NEO1: variants seen among roughly 807,000 people sequenced by gnomAD.
NEO1 encodes neogenin.
A neutral mutation model predicts 159.7 loss-of-function variants in NEO1; 63 were observed. The observed-to-expected ratio is 0.39, with a 90% CI of 0.32 to 0.49. The LOEUF (loss-of-function observed/expected upper bound fraction) is 0.49, where lower values mean the gene tolerates loss of function less well. Ranked by LOEUF, NEO1 falls within the 20% of genes least tolerant of loss-of-function variation. NEO1 has a pLI of 0.85. For synonymous variants in NEO1, 633 were observed against 662.0 expected, an observed-to-expected ratio of 0.96 and a Z score of 0.67; for missense variants, 1,615 against 1,831.0, an observed-to-expected ratio of 0.88 and a Z score of 2.15.
At chr15:73,234,214 T>G (rs372177902) in intron 7 of NEO1, among the ~76,000 whole-genome samples, 13 of 152,314 alleles carry the variant, frequency 8.5e-5, no homozygotes, top group African/African-American at 2.6e-4. Context: ...CATTTCCCAA[T>G]AAGGGTTTTT....
At chr15:73,163,091 T>C (rs1039730635) in intron 5 of NEO1, among the ~76,000 whole-genome samples, 11 of 152,256 alleles carry the variant, frequency 7.2e-5, no homozygotes, top group African/African-American at 1.9e-4. Flanking sequence ...TTTTATACTT[T>C]ACTTGTTAGG....
rs2030234359 is a variant in NEO1, at chr15:73,126,327, C to G, written c.725-90C>G. The G allele has an allele frequency of 3.2e-6, 4 of 1,258,228 alleles. No homozygotes were observed. In the Admixed American group the frequency reaches 9.3e-5, roughly 29 times the overall value. 77.9% of individuals were successfully genotyped at this position (1,258,228 alleles called of 1,614,324 possible). A position where few individuals can be genotyped will look rare whatever the true frequency, so the allele number is the denominator to read the frequency against. On this transcript the variant is annotated intron_variant, in intron 3 of 28. Transcript: ENST00000261908. ...TCAAGCAGTCCTCCCTCCTCGGCCT[C>G]CCAAAGTATCGGGATTATGGGTGTG...
chr15:73,251,388 C>A (rs1257588822), intron 11 of NEO1, among the ~76,000 whole-genome samples: 1 of 151,818 alleles, frequency 6.6e-6, no homozygotes, highest in Non-Finnish European at 1.5e-5. Context: ...GTGGCACACA[C>A]CTTTAATCCT....
intron 5 of NEO1, among the ~76,000 whole-genome samples, chr15:73,159,478 T>C (rs2034015552): frequency 6.6e-6 from 1 of 152,126 alleles, no homozygotes; most frequent in Admixed American, 6.5e-5. Flanking sequence ...CTGGAAGTCT[T>C]CCTATACTGA....
intron 28 of NEO1, among the ~76,000 whole-genome samples, chr15:73,301,840 T>G (rs979673381): frequency 5.3e-5 from 8 of 152,138 alleles, no homozygotes; most frequent in Admixed American, 5.2e-4. Flanking sequence ...GCTATTGTTT[T>G]GTATTTTTAA....
At chr15:73,279,419 G>A (rs2041588097) in intron 22 of NEO1, among the ~76,000 whole-genome samples, 2 of 143,246 alleles carry the variant, frequency 1.4e-5, no homozygotes, top group Non-Finnish European at 3.0e-5. Flanking sequence ...CATGATCTCA[G>A]TTCACTGCAG....
At chr15:73,133,652 C>T (rs1417273593) in intron 4 of NEO1, among the ~76,000 whole-genome samples, 2 of 152,172 alleles carry the variant, frequency 1.3e-5, no homozygotes, top group Admixed American at 6.5e-5. Context: ...ATACCTTATG[C>T]CCAGCAATAC....
intron 7 of NEO1, among the ~76,000 whole-genome samples, chr15:73,198,940 C>T (rs1347543854): frequency 6.6e-6 from 1 of 151,192 alleles, no homozygotes; most frequent in Admixed American, 6.6e-5. Context: ...ATAAATTTGT[C>T]ACAAATAACC....
intron 7 of NEO1, among the ~76,000 whole-genome samples, chr15:73,189,144 T>C (rs2036099383): frequency 6.6e-6 from 1 of 152,156 alleles, no homozygotes; most frequent in Non-Finnish European, 1.5e-5. Flanking sequence ...AATGACATCT[T>C]ACCCATTGAA....
Position 73,298,344 on chromosome 15 carries a change from G to A in NEO1, c.3902-4G>A, listed in dbSNP as rs1158433680. The A allele has an allele frequency of 9.9e-6, 16 of 1,613,608 alleles. No homozygotes were observed. Among genetic ancestry groups the A allele is most frequent in the Non-Finnish European group, 1.2e-5 (14 of 1,179,652 alleles). On this transcript the variant is annotated splice_region_variant and splice_polypyrimidine_tract_variant and intron_variant, in intron 26 of 28. Transcript: ENST00000261908. ...ATGCTAACATTTAGACTTTCCTGCT[G>A]TAGAATCCGTTCGAAATACCCCCAG...
intron 2 of NEO1, among the ~76,000 whole-genome samples, chr15:73,121,790 A>G (rs62016811): frequency 0.3 from 45,913 of 151,866 alleles, 8,460 homozygotes; most frequent in Admixed American, 0.44. Context: ...ATTATCCCAG[A>G]TTTAATCAGA....
At chr15:73,141,048 T>C (rs2032337758) in intron 5 of NEO1, among the ~76,000 whole-genome samples, 1 of 152,210 alleles carries the variant, frequency 6.6e-6, no homozygotes, top group Non-Finnish European at 1.5e-5. Flanking sequence ...ATTCAAGCTG[T>C]ATTGTTCATG....
intron 7 of NEO1, among the ~76,000 whole-genome samples, chr15:73,209,413 C>T (rs923189787): frequency 2.6e-5 from 4 of 151,924 alleles, no homozygotes; most frequent in Admixed American, 2.0e-4. Context: ...TTGTTGTTTC[C>T]CCATTGAGTG....
chr15:73,090,457 A>C (rs552758118), intron 1 of NEO1, among the ~76,000 whole-genome samples: 4 of 152,326 alleles, frequency 2.6e-5, no homozygotes, highest in Non-Finnish European at 5.9e-5. Context: ...GATTCATACT[A>C]ATTTGTTAAT....
intron 27 of NEO1, among the ~76,000 whole-genome samples, chr15:73,299,733 A>AT (rs1567734274): frequency 6.7e-6 from 1 of 148,448 alleles, no homozygotes; most frequent in Non-Finnish European, 1.5e-5. Flanking sequence ...GAGTCGTTTT[A>AT]TTTTTTGCAG....
chr15:73,298,796 T>C (rs2042481204), intron 27 of NEO1, among the ~76,000 whole-genome samples, 185 bp downstream of exon 27: 1 of 152,230 alleles, frequency 6.6e-6, no homozygotes, highest in Non-Finnish European at 1.5e-5. Context: ...GCCTCCCCTT[T>C]TCTGGGAACA....
intron 7 of NEO1, among the ~76,000 whole-genome samples, chr15:73,234,705 T>A (rs1474646176): frequency 1.3e-5 from 2 of 152,024 alleles, no homozygotes; most frequent in South Asian, 4.1e-4. Context: ...TATAACAATC[T>A]GCACTCTTAA....
chr15:73,081,022 A>G (rs965880475), intron 1 of NEO1, among the ~76,000 whole-genome samples: 5 of 152,244 alleles, frequency 3.3e-5, no homozygotes, highest in Non-Finnish European at 2.9e-5. Context: ...TCAATTTCAT[A>G]ATTAACTGAT....
At chr15:73,130,456 G>C (rs1363818893) in intron 4 of NEO1, among the ~76,000 whole-genome samples, 1 of 152,158 alleles carries the variant, frequency 6.6e-6, no homozygotes, top group African/African-American at 2.4e-5. Flanking sequence ...TCTAGCCAAA[G>C]GGGCAGGAAA....
Sources: allele counts gnomAD v4.1 joint callset (sites outside exome capture counted in the v4.1 genomes callset), GRCh38; gene constraint gnomAD v4.1.1; transcripts MANE v1.5; gene names NCBI Gene and HGNC (gene_info 2026-07-23, HGNC 2026-07-21).